Variants in IFT56 observed in about 807,000 individuals in gnomAD.
IFT56 encodes intraflagellar transport 56.
the IFT56 span, among the ~76,000 whole-genome samples, chr7:139,182,164 G>T: frequency 7.2e-5 from 11 of 152,070 alleles, 1 homozygote; most frequent in South Asian, 2.1e-3. Context: ...CTCAAAAAAA[G>T]ATTAAGATTT....
At chr7:139,144,880 T>C in the IFT56 span, among the ~76,000 whole-genome samples, 1 of 152,188 alleles carries the variant, frequency 6.6e-6, no homozygotes, top group African/African-American at 2.4e-5. Context: ...TTAAAGTCCA[T>C]GTCTAGTAAT....
At chr7:139,141,704 G>A in the IFT56 span, among the ~76,000 whole-genome samples, 1 of 152,178 alleles carries the variant, frequency 6.6e-6, no homozygotes, top group Admixed American at 6.5e-5. Context: ...AGGAGATTTG[G>A]AACTTAAAAG....
chr7:139,154,913 G>A, the IFT56 span, among the ~76,000 whole-genome samples: 2 of 151,994 alleles, frequency 1.3e-5, no homozygotes, highest in Admixed American at 1.3e-4. Flanking sequence ...GATCAGTTTT[G>A]GGATTAATGC....
chr7:139,149,625 C>T, the IFT56 span, among the ~76,000 whole-genome samples: 1 of 152,076 alleles, frequency 6.6e-6, no homozygotes, highest in African/African-American at 2.4e-5. Flanking sequence ...TACACGTCAA[C>T]AAAGGTTAGC....
At chr7:139,187,046 A>C in the IFT56 span, among the ~76,000 whole-genome samples, 52 of 136,864 alleles carry the variant, frequency 3.8e-4, 1 homozygote, top group Non-Finnish European at 1.8e-4. Context: ...GTGAGCCGAG[A>C]TTGCGCCACT....
chr7:139,158,393 T>A, the IFT56 span, among the ~76,000 whole-genome samples: 1 of 151,834 alleles, frequency 6.6e-6, no homozygotes, highest in African/African-American at 2.4e-5. Flanking sequence ...TTTGATGATA[T>A]TTCATCATTA....
chr7:139,163,340 TAAA>T, the IFT56 span, among the ~76,000 whole-genome samples: 3 of 124,622 alleles, frequency 2.4e-5, no homozygotes, highest in Non-Finnish European at 3.4e-5. Context: ...AGACTCCATC[TAAA>T]AAAAAAAAAA....
At chr7:139,141,308 A>C in the IFT56 span, among the ~76,000 whole-genome samples, 3 of 151,380 alleles carry the variant, frequency 2.0e-5, no homozygotes. Flanking sequence ...GCTGGAGTAC[A>C]GTGGCTATTC....
At chr7:139,178,200 C>G in the IFT56 span, 3 of 1,597,900 alleles carry the variant, frequency 1.9e-6, no homozygotes, top group Non-Finnish European at 2.6e-6. Context: ...GGGTTTTTTT[C>G]CCCTCCGTTT....
chr7:139,169,356 T>C, the IFT56 span: 1 of 1,613,784 alleles, frequency 6.2e-7, no homozygotes, highest in Non-Finnish European at 8.5e-7. Flanking sequence ...GAATGTGGTA[T>C]GTCTGAAATC....
the IFT56 span, among the ~76,000 whole-genome samples, chr7:139,175,522 A>G: frequency 6.6e-6 from 1 of 152,224 alleles, no homozygotes; most frequent in Admixed American, 6.5e-5. Flanking sequence ...ACATATGCAC[A>G]ATGGAATACT....
the IFT56 span, chr7:139,187,548 A>T: frequency 6.2e-7 from 1 of 1,613,968 alleles, no homozygotes; most frequent in East Asian, 2.2e-5. Context: ...AAGTAAGTAA[A>T]CAGGCAAGAA....
At chr7:139,185,008 C>G in the IFT56 span, among the ~76,000 whole-genome samples, 1 of 149,920 alleles carries the variant, frequency 6.7e-6, no homozygotes, top group Admixed American at 6.7e-5. Context: ...GAGCCGAGAT[C>G]GCGCCACTGC....
chr7:139,191,442 T>C, the IFT56 span: 1 of 152,250 alleles, frequency 6.6e-6, no homozygotes, highest in South Asian at 2.1e-4. Context: ...GTTTTGGCAG[T>C]GAAATTTGTC....
chr7:139,137,583 C>T, the IFT56 span, among the ~76,000 whole-genome samples: 1 of 152,174 alleles, frequency 6.6e-6, no homozygotes, highest in African/African-American at 2.4e-5. Flanking sequence ...ATATATCACC[C>T]AGAATTGTTA....
the IFT56 span, chr7:139,147,350 T>A: frequency 6.9e-7 from 1 of 1,441,936 alleles, no homozygotes; most frequent in Non-Finnish European, 9.4e-7. Context: ...CTTCTTTAAC[T>A]AGTTTGAGAA....
At chr7:139,161,016 C>T in the IFT56 span, 1 of 1,613,680 alleles carries the variant, frequency 6.2e-7, no homozygotes, top group Non-Finnish European at 8.5e-7. Context: ...TCATCAGGCA[C>T]AATCTGGTGA....
the IFT56 span, among the ~76,000 whole-genome samples, chr7:139,149,344 C>T: frequency 6.6e-6 from 1 of 151,522 alleles, no homozygotes; most frequent in East Asian, 1.9e-4. Flanking sequence ...TCTGTTGACT[C>T]TCTTCTTCAT....
At chr7:139,183,365 A>T in the IFT56 span, among the ~76,000 whole-genome samples, 1 of 152,222 alleles carries the variant, frequency 6.6e-6, no homozygotes, top group African/African-American at 2.4e-5. Context: ...CAGGAACAGC[A>T]GGAAAACGAT....
Sources: gnomAD v4.1 joint callset for allele counts (sites outside exome capture counted in the v4.1 genomes callset) on GRCh38, gnomAD v4.1.1 for gene constraint, MANE v1.5 for transcripts, NCBI Gene and HGNC (gene_info 2026-07-23, HGNC 2026-07-21) for gene names.